The following FAR1 variants were observed in gnomAD, a reference collection of about 807,000 sequenced individuals.
The protein encoded by FAR1 is male sterility domain-containing protein 2.
Under a neutral mutation model 61.1 loss-of-function variants are expected in FAR1, and 22 were observed. The observed-to-expected ratio is 0.36, with a 90% CI of 0.26 to 0.51. The LOEUF (loss-of-function observed/expected upper bound fraction) is 0.51. FAR1 is among the 20% of genes least tolerant of loss of function. The pLI, the probability that FAR1 is intolerant of heterozygous loss-of-function variation, is 0.95. For synonymous variants in FAR1, 206 were observed against 209.7 expected, an observed-to-expected ratio of 0.98 and a Z score of 0.15; for missense variants, 359 against 626.9, an observed-to-expected ratio of 0.57 and a Z score of 4.56.
In FAR1 at chr11:13,683,956, A is replaced by G. The variant is rs369970177; in HGVS notation, c.-7-10803A>G. ...TACTGGGTTTGTACAATAAATGATG[A>G]TACAGAAAGATGCATACAAGTAGAG... On this transcript the variant is annotated intron_variant, in intron 1 of 11. Coordinates refer to ENST00000354817, the MANE Select transcript of FAR1 (RefSeq NM_032228.6). Among the ~76,000 whole-genome samples the G allele has an allele frequency of 3.9e-5, 6 of 152,332 alleles. No individual in the cohort carries two copies. The East Asian group carries it at 1.2e-3, about 29-fold the overall frequency.
intron 1 of FAR1, among the ~76,000 whole-genome samples, chr11:13,687,809 T>C (rs1005205659): frequency 6.6e-6 from 1 of 152,028 alleles, no homozygotes; most frequent in African/African-American, 2.4e-5. Context: ...TGTAGGGACA[T>C]GGATGAAGCT....
Position 13,730,599 on chromosome 11 carries a change from A to G in FAR1, c.*1825A>G, listed in dbSNP as rs1319469926. ...CCAAATGTATTTCCATAATGTGTTG[A>G]AAACATGCTAACATTTGTATGATTT... On this transcript the variant is annotated 3_prime_UTR_variant, in exon 12 of 12. Transcript: ENST00000354817. The G allele has an allele frequency of 6.6e-6, 1 of 152,114 alleles. No individual in the cohort carries two copies. The highest frequency in any genetic ancestry group is 6.6e-5 in the Admixed American group (1 of 15,244). 9.4% of individuals were successfully genotyped at this position (152,114 alleles called of 1,614,324 possible).
Position 13,710,675 on chromosome 11 carries a change from A to G in FAR1, c.546-18A>G, listed in dbSNP as rs375397112. ...GTAAAATATCTGGAAATATATTTGTATGCAATTTCTTTACCAGGTGGATGG... is the reference window on the plus strand; with the variant it reads ...GTAAAATATCTGGAAATATATTTGTGTGCAATTTCTTTACCAGGTGGATGG... On this transcript the variant is annotated intron_variant, in intron 4 of 11. Transcript: ENST00000354817. 62 of 1,550,610 alleles carry G rather than the reference A, an allele frequency of 4.0e-5. No homozygotes were observed. Among genetic ancestry groups the G allele is most frequent in the Non-Finnish European group, 4.8e-5 (56 of 1,156,992 alleles).
intron 4 of FAR1, among the ~76,000 whole-genome samples, chr11:13,709,048 GTATCCACCA>G (rs1848470221): frequency 6.6e-6 from 1 of 152,106 alleles, no homozygotes; most frequent in South Asian, 2.1e-4. Flanking sequence ...AAACATTCCA[GTATCCACCA>G]TATTTTCATG....
At position 13,721,887 on chromosome 11, in the gene FAR1, A is replaced by T; in HGVS notation, c.1257+28A>T. ...AAGCAAGTATTTTCTGTTTTATATT[A>T]GAAAATAAGTAGCATACTAATTACA... On this transcript the variant is annotated intron_variant, in intron 10 of 11. Transcript: ENST00000354817. The surrounding 1 kb of genome is among the most constrained non-coding windows in gnomAD (Gnocchi z 4.2). 1 of 1,563,212 alleles carries T rather than the reference A, an allele frequency of 6.4e-7. No homozygotes were observed. Among genetic ancestry groups the T allele is most frequent in the Non-Finnish European group, 8.7e-7 (1 of 1,151,052 alleles).
chr11:13,718,674 AGT>A (rs778673507), intron 9 of FAR1, among the ~76,000 whole-genome samples: 1 of 152,226 alleles, frequency 6.6e-6, no homozygotes, highest in Non-Finnish European at 1.5e-5. Context: ...CCTCAAACTT[AGT>A]GTCTTAAAGC....
intron 9 of FAR1, among the ~76,000 whole-genome samples, chr11:13,717,203 G>C (rs561166013): frequency 1.2e-3 from 185 of 152,046 alleles, no homozygotes; most frequent in Non-Finnish European, 2.0e-3. Context: ...GCATCAGCTG[G>C]AAGCCAGGGT....
chr11:13,670,572 G>A (rs949356316), intron 1 of FAR1, among the ~76,000 whole-genome samples: 3 of 152,168 alleles, frequency 2.0e-5, no homozygotes, highest in Admixed American at 6.5e-5. Flanking sequence ...GATTACAGGC[G>A]TTAGCTGCCG....
rs767905936 is a variant in FAR1 at position 13,728,794 on chromosome 11, A to G, written c.*20A>G. On this transcript the variant is annotated 3_prime_UTR_variant, in exon 12 of 12. Transcript: ENST00000354817. ...TACTGAAGACCAAGGATTCAGCATT[A>G]GAACATCTATACATATGGTGATCTA... The G allele has an allele frequency of 1.9e-6, 3 of 1,605,492 alleles. No individual in the cohort carries two copies. The highest frequency in any genetic ancestry group is 1.7e-5 in the Admixed American group (1 of 59,742).
intron 1 of FAR1, among the ~76,000 whole-genome samples, chr11:13,676,529 T>G (rs186960717): frequency 6.6e-6 from 1 of 152,266 alleles, no homozygotes; most frequent in Admixed American, 6.5e-5. Flanking sequence ...GAAACTGTTT[T>G]TGGCTGACAA....
At chr11:13,717,576 G>A (rs1354126160) in intron 9 of FAR1, among the ~76,000 whole-genome samples, 1 of 152,118 alleles carries the variant, frequency 6.6e-6, no homozygotes, top group Non-Finnish European at 1.5e-5. Flanking sequence ...CTGGCCTGTG[G>A]GCTCTGTGTG....
intron 1 of FAR1, among the ~76,000 whole-genome samples, chr11:13,680,436 G>A (rs1052097469): frequency 6.6e-6 from 1 of 152,104 alleles, no homozygotes; most frequent in Non-Finnish European, 1.5e-5. Flanking sequence ...TAGTCCATTT[G>A]TATTGATATA....
At chr11:13,699,130 T>G (rs1848341495) in intron 2 of FAR1, among the ~76,000 whole-genome samples, 1 of 152,182 alleles carries the variant, frequency 6.6e-6, no homozygotes, top group Admixed American at 6.5e-5. Context: ...CACACACACA[T>G]TCTGTTAAAT....
intron 1 of FAR1, chr11:13,685,482 A>G (rs11022935): frequency 0.031 from 6,658 of 215,430 alleles, 143 homozygotes; most frequent in Non-Finnish European, 0.043. Flanking sequence ...TATGTGTGCC[A>G]TCTCATGTGC....
Position 13,721,936 on chromosome 11 carries a change from A to G in FAR1, c.1257+77A>G, listed in dbSNP as rs1848613662. ...CAGAACTATTAGCAACCTGAGAAATATTTTCCACAGCTATTATGCAACAAG... is the reference window on the plus strand; with the variant it reads ...CAGAACTATTAGCAACCTGAGAAATGTTTTCCACAGCTATTATGCAACAAG... On this transcript the variant is annotated intron_variant, in intron 10 of 11. Transcript: ENST00000354817. This position sits in a 1 kb window ranked among gnomAD's most constrained non-coding sequence, Gnocchi z 4.2. 1 of 1,220,052 alleles carries G rather than the reference A, an allele frequency of 8.2e-7. No homozygotes were observed. Among genetic ancestry groups the G allele is most frequent in the Non-Finnish European group, 1.1e-6 (1 of 879,150 alleles). The allele number at this position is 1,220,052 out of a possible 1,614,324, so 75.6% of individuals were successfully genotyped here.
Position 13,697,187 on chromosome 11 carries a change from C to T in FAR1, c.189+2233C>T, listed in dbSNP as rs182004385. 6.6e-5 allele frequency among the ~76,000 whole-genome samples: 10 copies of T among 152,192 alleles called. No homozygotes were observed. The East Asian group carries it at 7.7e-4, about 12-fold the overall frequency. On this transcript the variant is annotated intron_variant, in intron 2 of 11. Transcript: ENST00000354817. ...TAAAATAATTGATCATGGCCTGTCA[C>T]GGTGGTTCATGCCTATAATCCCAGC...
chr11:13,700,252 G>A, intron 2 of FAR1, 65 bp from the exon 3 acceptor site: 2 of 1,200,940 alleles, frequency 1.7e-6, no homozygotes, highest in Non-Finnish European at 2.3e-6. Context: ...GAAAAAAATG[G>A]TGATAATGAG....
intron 1 of FAR1, chr11:13,685,519 T>C (rs1188003700): frequency 9.2e-6 from 2 of 217,090 alleles, no homozygotes; most frequent in Non-Finnish European, 2.0e-5. Context: ...AGTCTGGTTC[T>C]TCTCCAGTGT....
At chr11:13,720,615 G>T (rs1340485524) in intron 9 of FAR1, 1 of 151,886 alleles carries the variant, frequency 6.6e-6, no homozygotes, top group Non-Finnish European at 1.5e-5. Context: ...ATTGAATTGT[G>T]TTATCAGAAG....
Sources: allele counts gnomAD v4.1 joint callset (sites outside exome capture counted in the v4.1 genomes callset), GRCh38; gene constraint gnomAD v4.1.1; non-coding constraint Gnocchi (gnomAD v3.1); transcripts MANE v1.5; gene names NCBI Gene and HGNC (gene_info 2026-07-23, HGNC 2026-07-21).